UNC5D: variants seen among roughly 807,000 people sequenced by gnomAD.
UNC5D encodes the protein netrin receptor UNC5D.
A neutral mutation model predicts 105.4 loss-of-function variants in UNC5D; 39 were observed. The observed-to-expected ratio is 0.37, with a 90% CI of 0.29 to 0.48. The LOEUF (loss-of-function observed/expected upper bound fraction) is 0.48, where lower values mean the gene tolerates loss of function less well. Among genes scored for constraint, UNC5D ranks in the 20% least tolerant of loss-of-function variants. The probability of loss-of-function intolerance (pLI) is 0.98; values close to 1 mark genes in which losing one functional copy is unlikely to be tolerated. For missense variants in UNC5D, 991 were observed against 1,202.4 expected, an observed-to-expected ratio of 0.82 and a Z score of 2.60; for synonymous variants, 452 against 450.4, an observed-to-expected ratio of 1.00 and a Z score of -0.04.
chr8:35,411,306 T>A (rs1193824710), intron 1 of UNC5D, among the ~76,000 whole-genome samples: 2 of 152,100 alleles, frequency 1.3e-5, no homozygotes, highest in Admixed American at 1.3e-4. Flanking sequence ...TGTTTAAACC[T>A]GTTGCAAGTA....
chr8:35,348,169 CCTAT>C, intron 1 of UNC5D, among the ~76,000 whole-genome samples: 2 of 151,806 alleles, frequency 1.3e-5, no homozygotes, highest in South Asian at 4.1e-4. Flanking sequence ...TTTTCTATTG[CCTAT>C]AAAAATGTAT....
intron 1 of UNC5D, among the ~76,000 whole-genome samples, chr8:35,467,537 T>G (rs1201217534): frequency 7.3e-6 from 1 of 137,060 alleles, no homozygotes; most frequent in Non-Finnish European, 1.5e-5. Flanking sequence ...CCTTTATATT[T>G]GAAACCTTCC....
chr8:35,457,785 G>A (rs1020092850), intron 1 of UNC5D, among the ~76,000 whole-genome samples: 1 of 152,094 alleles, frequency 6.6e-6, no homozygotes, highest in Admixed American at 6.6e-5. Flanking sequence ...TCTGCTCGAG[G>A]ACACTAGATC....
At chr8:35,717,299 A>G (rs1264418224) in intron 8 of UNC5D, among the ~76,000 whole-genome samples, 1 of 152,228 alleles carries the variant, frequency 6.6e-6, no homozygotes, top group East Asian at 1.9e-4. Flanking sequence ...AGTTAAGGTC[A>G]TAACATGAGC....
At chr8:35,680,870 A>T (rs1275212543) in intron 4 of UNC5D, among the ~76,000 whole-genome samples, 3 of 152,202 alleles carry the variant, frequency 2.0e-5, no homozygotes, top group Non-Finnish European at 4.4e-5. Flanking sequence ...AGGACAGCTG[A>T]GCGGGGAACA....
intron 1 of UNC5D, among the ~76,000 whole-genome samples, chr8:35,435,995 TTTTATTAATA>T: frequency 6.6e-6 from 1 of 152,198 alleles, no homozygotes; most frequent in Admixed American, 6.6e-5. Context: ...AAGATATGGA[TTTTATTAATA>T]TTTATATTAA....
intron 1 of UNC5D, among the ~76,000 whole-genome samples, chr8:35,251,860 A>T (rs2128812404): frequency 6.6e-6 from 1 of 152,172 alleles, no homozygotes; most frequent in Middle Eastern, 3.4e-3. Flanking sequence ...CCTCATACGG[A>T]GTAGGGTGAG....
rs149724517 is a variant in UNC5D, at chr8:35,456,794, G to A, written c.104-92498G>A. Among the ~76,000 whole-genome samples the A allele has an allele frequency of 1.5e-4, 23 of 152,274 alleles. No homozygotes were observed. In the East Asian group the frequency reaches 4.2e-3, roughly 28 times the overall value. ...ATTACATGGGAATCTGGGCCTTAAC[G>A]CTGCATTCCTTAGTGAAGTTCTTTG... On this transcript the variant is annotated intron_variant, in intron 1 of 16. Coordinates refer to ENST00000404895, the MANE Select transcript of UNC5D (RefSeq NM_080872.4).
chr8:35,459,389 T>C (rs563559640), intron 1 of UNC5D, among the ~76,000 whole-genome samples: 1 of 152,274 alleles, frequency 6.6e-6, no homozygotes, highest in Non-Finnish European at 1.5e-5. Flanking sequence ...TTTTAAAATT[T>C]TTGGCCCCAT....
At chr8:35,450,857 T>G (rs1237772821) in intron 1 of UNC5D, among the ~76,000 whole-genome samples, 2 of 152,088 alleles carry the variant, frequency 1.3e-5, no homozygotes, top group African/African-American at 4.8e-5. Flanking sequence ...AACAGGATTT[T>G]TGTTGGATGA....
At chr8:35,251,853 C>T (rs950529563) in intron 1 of UNC5D, among the ~76,000 whole-genome samples, 1 of 152,054 alleles carries the variant, frequency 6.6e-6, no homozygotes, top group Non-Finnish European at 1.5e-5. Flanking sequence ...GGTAGTTCCT[C>T]ATACGGAGTA....
chr8:35,745,503 C>T (rs550529707), intron 11 of UNC5D, among the ~76,000 whole-genome samples: 1 of 152,230 alleles, frequency 6.6e-6, no homozygotes, highest in Admixed American at 6.5e-5. Flanking sequence ...CATGCACATG[C>T]CTAAGGCATT....
chr8:35,578,313 A>G (rs917795217), intron 3 of UNC5D, among the ~76,000 whole-genome samples: 4 of 151,500 alleles, frequency 2.6e-5, no homozygotes, highest in Admixed American at 6.6e-5. Flanking sequence ...TAATCTTCCT[A>G]TGGTTAAAAA....
intron 1 of UNC5D, among the ~76,000 whole-genome samples, chr8:35,307,987 A>G (rs1808557670): frequency 6.6e-6 from 1 of 152,094 alleles, no homozygotes; most frequent in Admixed American, 6.6e-5. Flanking sequence ...TCGACTTCTC[A>G]TTTGCTATAG....
chr8:35,774,926 C>CAAAA (rs548702956), intron 16 of UNC5D, among the ~76,000 whole-genome samples: 3 of 120,394 alleles, frequency 2.5e-5, no homozygotes, highest in Non-Finnish European at 5.0e-5. Flanking sequence ...GACCCTCCTC[C>CAAAA]AAAAAAAAAA....
chr8:35,513,400 T>C (rs1383458857), intron 1 of UNC5D, among the ~76,000 whole-genome samples: 1 of 152,026 alleles, frequency 6.6e-6, no homozygotes, highest in Admixed American at 6.6e-5. Flanking sequence ...GGCTGATTTT[T>C]TTGCATTTAG....
chr8:35,495,326 C>T (rs1310692533), intron 1 of UNC5D, among the ~76,000 whole-genome samples: 4 of 151,854 alleles, frequency 2.6e-5, no homozygotes, highest in African/African-American at 9.7e-5. Context: ...TTTTATACCA[C>T]ATAGGAAGAG....
At chr8:35,285,914 T>C (rs1472900198) in intron 1 of UNC5D, among the ~76,000 whole-genome samples, 1 of 152,204 alleles carries the variant, frequency 6.6e-6, no homozygotes, top group African/African-American at 2.4e-5. Flanking sequence ...ACATTTTATA[T>C]GACAGTATAA....
intron 1 of UNC5D, among the ~76,000 whole-genome samples, chr8:35,325,366 T>A (rs1428981100): frequency 6.6e-6 from 1 of 152,294 alleles, no homozygotes; most frequent in East Asian, 1.9e-4. Flanking sequence ...AAACTTAAGC[T>A]CATCAATGGT....
Sources: gnomAD v4.1 joint callset for allele counts (sites outside exome capture counted in the v4.1 genomes callset) on GRCh38, gnomAD v4.1.1 for gene constraint, MANE v1.5 for transcripts, NCBI Gene and HGNC (gene_info 2026-07-23, HGNC 2026-07-21) for gene names.